NBPF26: variants seen among roughly 807,000 people sequenced by gnomAD.
NBPF26 encodes the protein NBPF member 26, also known as NBPF family member NBPF26.
In NBPF26, 79 loss-of-function variants were observed where a neutral mutation model predicts 119.6. That is an observed-to-expected ratio of 0.66 (90% CI 0.55 to 0.80). NBPF26 has a LOEUF of 0.80. NBPF26 is among the 30% of genes least tolerant of loss of function. NBPF26 has a pLI of 0.00. For synonymous variants in NBPF26, 299 were observed against 457.7 expected, an observed-to-expected ratio of 0.65 and a Z score of 4.43; for missense variants, 800 against 1,198.2, an observed-to-expected ratio of 0.67 and a Z score of 4.91.
intron 2 of NBPF26, among the ~76,000 whole-genome samples, chr1:120,784,427 G>C: frequency 8.6e-6 from 1 of 116,878 alleles, no homozygotes; most frequent in Non-Finnish European, 1.6e-5. Context: ...TATTCTTGCT[G>C]TTTCTCAAAC....
rs1294293079 is a variant in NBPF26, at chr1:120,805,501, C to T, written c.752-55C>T. 5.9e-5 allele frequency: 78 copies of T among 1,313,296 alleles called. 12 individuals are homozygous for T. The highest frequency in any genetic ancestry group is 8.7e-5 in the African/African-American group (4 of 46,200). The allele number at this position is 1,313,296 out of a possible 1,614,324, so 81.4% of individuals were successfully genotyped here. A position where few individuals can be genotyped will look rare whatever the true frequency, so the allele number is the denominator to read the frequency against. ...TGACATCCCTCAGTCCTGATTAAAC[C>T]GATTTGATTTCACCAGTTTTTAACC... On this transcript the variant is annotated intron_variant, in intron 4 of 29. Coordinates refer to ENST00000620612, the Ensembl canonical transcript of NBPF26.
At chr1:120,825,650 G>A (rs2101541851) in intron 18 of NBPF26, among the ~76,000 whole-genome samples, 1 of 65,028 alleles carries the variant, frequency 1.5e-5, no homozygotes, top group East Asian at 3.5e-4. Context: ...TTACATATTG[G>A]AGCAACAGCG....
At chr1:120,793,816 G>T (rs1651523654) in intron 4 of NBPF26, 2 of 946,524 alleles carry the variant, frequency 2.1e-6, no homozygotes, top group Non-Finnish European at 3.2e-6. Context: ...AAAAGAACAC[G>T]ATGAGAATTA....
chr1:120,804,667 A>G lies in NBPF26; in HGVS notation c.752-889A>G, dbSNP rs1403940733. 2.7e-4 allele frequency among the ~76,000 whole-genome samples: 32 copies of G among 120,140 alleles called. 9 individuals are homozygous for G. Among genetic ancestry groups the G allele is most frequent in the African/African-American group, 1.3e-3 (30 of 22,472 alleles). 78.8% of individuals were successfully genotyped at this position (120,140 alleles called of 152,430 possible). A position where few individuals can be genotyped will look rare whatever the true frequency, so the allele number is the denominator to read the frequency against. On this transcript the variant is annotated intron_variant, in intron 4 of 29. Transcript: ENST00000620612. ...TCTATAAGTGACAAGTTTAAAATGTAGTGCTCAGTGACATTAAAAAACACA... is the reference window on the plus strand; with the variant it reads ...TCTATAAGTGACAAGTTTAAAATGTGGTGCTCAGTGACATTAAAAAACACA...
At chr1:120,756,718 G>T (rs1651085098) in intron 1 of NBPF26, among the ~76,000 whole-genome samples, 1 of 115,994 alleles carries the variant, frequency 8.6e-6, no homozygotes, top group South Asian at 2.5e-4. Context: ...ATATGTAGCT[G>T]GTATGATACT....
intron 6 of NBPF26, among the ~76,000 whole-genome samples, chr1:120,807,965 AT>A (rs1256456864): frequency 1.6e-5 from 2 of 122,150 alleles, no homozygotes; most frequent in East Asian, 4.0e-4. Flanking sequence ...ATAACACAAA[AT>A]TTACCAAAGG....
rs1553272100 is a variant in NBPF26 at position 120,822,163 on chromosome 1, C to A, written c.2483C>A (p.Ser828Ter). Residue 828 changes from serine to a stop codon, truncating the protein, a stop_gained, in exon 16 of 30, where the codon TCG becomes TAG. Transcript: ENST00000620612. LOFTEE classifies it high-confidence loss of function. ...CAGGAGTCCTGGGATGAAGGTTATT[C>A]GACTCTCTCAATTCCTCCTGAAATG... The A allele has an allele frequency of 2.6e-5, 33 of 1,258,968 alleles. 6 individuals carry two copies. The highest frequency in any genetic ancestry group is 3.5e-5 in the Non-Finnish European group (32 of 926,676). The allele number at this position is 1,258,968 out of a possible 1,614,324, so 78.0% of individuals were successfully genotyped here. A position where few individuals can be genotyped will look rare whatever the true frequency, so the allele number is the denominator to read the frequency against.
intron 4 of NBPF26, among the ~76,000 whole-genome samples, chr1:120,801,930 T>C (rs1305391608): frequency 9.3e-6 from 1 of 107,912 alleles, no homozygotes; most frequent in East Asian, 2.2e-4. Flanking sequence ...ATGAAAGAAG[T>C]TAAATTCCAG....
chr1:120,726,456 T>A (rs1650815720), intron 1 of NBPF26, among the ~76,000 whole-genome samples: 1 of 84,958 alleles, frequency 1.2e-5, no homozygotes, highest in Non-Finnish European at 2.2e-5. Flanking sequence ...TTCTAAACTT[T>A]TGAGTGTTCC....
chr1:120,789,960 T>C lies in NBPF26; in HGVS notation c.416-3201T>C, dbSNP rs1300434962. Among the ~76,000 whole-genome samples the C allele has an allele frequency of 9.4e-3, 818 of 87,398 alleles. 175 individuals carry two copies. Among genetic ancestry groups the C allele is most frequent in the Non-Finnish European group, 0.011 (523 of 49,360 alleles). The allele number at this position is 87,398 out of a possible 152,430, so 57.3% of individuals were successfully genotyped here. A position where few individuals can be genotyped will look rare whatever the true frequency, so the allele number is the denominator to read the frequency against. On this transcript the variant is annotated intron_variant, in intron 3 of 29. Transcript: ENST00000620612. ...TGGTCCCAAATTAAAACTTCTTCCT[T>C]GTTGTTAAGAAGGATCTCTTCTTGG...
chr1:120,793,687 T>A, intron 4 of NBPF26, 191 bp downstream of exon 4: 1 of 621,246 alleles, frequency 1.6e-6, no homozygotes, highest in Middle Eastern at 2.5e-4. Context: ...GGGGATAATT[T>A]AGCATGTCAG....
In NBPF26 at chr1:120,756,737, T is replaced by C. The variant is rs1651085377; in HGVS notation, c.74-6891T>C. ...GTAGCTGGTATGATACTGAAAAGCA[T>C]TGGAAAACTTAGGTAAATGCCTAGA... is the stretch of plus-strand genomic sequence containing the variant. On this transcript the variant is annotated intron_variant, in intron 1 of 29. Transcript: ENST00000620612. Among the ~76,000 whole-genome samples the C allele has an allele frequency of 1.7e-5, 2 of 115,062 alleles. 1 individual carries two copies. The highest frequency in any genetic ancestry group is 3.3e-5 in the Non-Finnish European group (2 of 60,632). The allele number at this position is 115,062 out of a possible 152,430, so 75.5% of individuals were successfully genotyped here.
rs1207673042 is a variant in NBPF26, at chr1:120,724,298, C to A, written c.73+48C>A. The A allele has an allele frequency of 2.1e-5, 29 of 1,366,942 alleles. 8 individuals are homozygous for A. Among genetic ancestry groups the A allele is most frequent in the African/African-American group, 5.4e-5 (2 of 37,284 alleles). 84.7% of individuals were successfully genotyped at this position (1,366,942 alleles called of 1,614,324 possible). A position where few individuals can be genotyped will look rare whatever the true frequency, so the allele number is the denominator to read the frequency against. ...CTGTCCGCGGCGCCCGGGGCTGCCA[C>A]CTGGGGCGACCCTTCTCCCCCTCAG... On this transcript the variant is annotated intron_variant, in intron 1 of 29. Transcript: ENST00000620612.
In NBPF26 at chr1:120,745,120, CA is replaced by C. The variant is rs1180453854; in HGVS notation, c.74-18495del. 4.4e-4 allele frequency among the ~76,000 whole-genome samples: 16 copies of C among 36,578 alleles called. 2 individuals are homozygous for C. Among genetic ancestry groups the C allele is most frequent in the Non-Finnish European group, 4.3e-4 (9 of 21,168 alleles). The allele number at this position is 36,578 out of a possible 152,430, so 24.0% of individuals were successfully genotyped here. A position where few individuals can be genotyped will look rare whatever the true frequency, so the allele number is the denominator to read the frequency against. ...GGGTGACAGAGCAAGATCCTGTCTC[CA>C]AAAAAAAAAAAACAAAAAAAAAACA... On this transcript the variant is annotated intron_variant, in intron 1 of 29. Transcript: ENST00000620612.
Position 120,759,116 on chromosome 1 carries a change from G to C in NBPF26, c.74-4512G>C, listed in dbSNP as rs1230944533. Among the ~76,000 whole-genome samples, 2 of 70,886 alleles carry C rather than the reference G, an allele frequency of 2.8e-5. 1 individual carries two copies. Among genetic ancestry groups the C allele is most frequent in the Non-Finnish European group, 4.7e-5 (2 of 42,286 alleles). 46.5% of individuals were successfully genotyped at this position (70,886 alleles called of 152,430 possible). ...TCAGGGCTTGTGCCTGCCGATAGTAGATGCTTTCTAAATATGTTCTGAATA... is the reference window on the plus strand; with the variant it reads ...TCAGGGCTTGTGCCTGCCGATAGTACATGCTTTCTAAATATGTTCTGAATA... On this transcript the variant is annotated intron_variant, in intron 1 of 29. Coordinates refer to ENST00000620612, the Ensembl canonical transcript of NBPF26.
At chr1:120,793,403 A>C (rs2101472688) in exon 4 of NBPF26, 1 of 1,440,596 alleles carries the variant, frequency 6.9e-7, no homozygotes, top group Non-Finnish European at 9.3e-7. Flanking sequence ...GTACTGTGAC[A>C]GACTGTATGT....
chr1:120,745,845 G>C (rs1353682413), intron 1 of NBPF26, among the ~76,000 whole-genome samples: 1 of 81,496 alleles, frequency 1.2e-5, no homozygotes, highest in Non-Finnish European at 2.2e-5. Flanking sequence ...ACAAGGTAAA[G>C]TAATTTTTCA....
At chr1:120,777,843 A>G (rs1185826124) in intron 2 of NBPF26, among the ~76,000 whole-genome samples, 2 of 111,328 alleles carry the variant, frequency 1.8e-5, no homozygotes, top group Non-Finnish European at 3.4e-5. Flanking sequence ...AGAGAGAATT[A>G]AAAAGTTGAC....
At chr1:120,801,553 G>A (rs1651581834) in intron 4 of NBPF26, among the ~76,000 whole-genome samples, 2 of 94,248 alleles carry the variant, frequency 2.1e-5, no homozygotes, top group Non-Finnish European at 3.8e-5. Context: ...TTCAGGGCCA[G>A]GCTCAGTGGT....
Sources: gnomAD v4.1 joint callset for allele counts (sites outside exome capture counted in the v4.1 genomes callset) on GRCh38, gnomAD v4.1.1 for gene constraint, MANE v1.5 for transcripts, NCBI Gene and HGNC (gene_info 2026-07-23, HGNC 2026-07-21) for gene names.